The following SMC6 variants were observed in gnomAD, a reference collection of about 807,000 sequenced individuals.
SMC6 encodes structural maintenance of chromosomes 6, also known as structural maintenance of chromosomes protein 6.
SMC6 carries 79 observed loss-of-function variants against 142.2 expected under a neutral mutation model. The observed-to-expected ratio is 0.56, with a 90% CI of 0.46 to 0.67. The LOEUF is 0.67. SMC6 is among the 30% of genes least tolerant of loss of function. The pLI, the probability that SMC6 is intolerant of heterozygous loss-of-function variation, is 0.00. For synonymous variants in SMC6, 411 were observed against 412.4 expected, an observed-to-expected ratio of 1.00 and a Z score of 0.04; for missense variants, 1,072 against 1,284.0, an observed-to-expected ratio of 0.83 and a Z score of 2.52.
chr2:17,669,219 T>C (rs1015526462), intron 26 of SMC6, among the ~76,000 whole-genome samples: 1 of 152,126 alleles, frequency 6.6e-6, no homozygotes, highest in African/African-American at 2.4e-5. Flanking sequence ...GGTAGGGAAT[T>C]CAGGAAAAGA....
chr2:17,726,304 C>T, intron 8 of SMC6, 85 bp downstream of exon 8: 1 of 995,334 alleles, frequency 1.0e-6, no homozygotes. Context: ...AACTCAGCCT[C>T]CATTATGTGA....
In SMC6 at chr2:17,664,547, G is replaced by C. The variant is rs1572233504; in HGVS notation, c.*952C>G. The C allele has an allele frequency of 1.3e-5, 2 of 152,052 alleles. No individual in the cohort carries two copies. Among genetic ancestry groups the C allele is most frequent in the African/African-American group, 4.8e-5 (2 of 41,454 alleles). 9.4% of individuals were successfully genotyped at this position (152,052 alleles called of 1,614,324 possible). On this transcript the variant is annotated 3_prime_UTR_variant, in exon 28 of 28. Coordinates refer to ENST00000448223, the MANE Select transcript of SMC6 (RefSeq NM_001142286.2). ...TCCTAGTATCAAACAAATAATACAG[G>C]GAGCAATAAAATTCATGTTTTCTAA...
intron 12 of SMC6, among the ~76,000 whole-genome samples, chr2:17,717,797 T>C (rs1669171178): frequency 6.6e-6 from 1 of 151,992 alleles, no homozygotes; most frequent in Non-Finnish European, 1.5e-5. Flanking sequence ...GCCTGGATAT[T>C]GTGGTGAAAT....
At chr2:17,730,978 A>G (rs1669888786) in intron 7 of SMC6, 100 bp downstream of exon 7, 6 of 835,062 alleles carry the variant, frequency 7.2e-6, no homozygotes, top group Non-Finnish European at 1.2e-5. Context: ...TGGTCAGTTT[A>G]CTCATATGAG....
At chr2:17,671,448 A>AC (rs1666756009) in intron 25 of SMC6, among the ~76,000 whole-genome samples, 1 of 142,164 alleles carries the variant, frequency 7.0e-6, no homozygotes, top group Non-Finnish European at 1.6e-5. Context: ...CACACACACA[A>AC]AAATACAAAA....
chr2:17,707,186 G>A, intron 18 of SMC6, 33 bp downstream of exon 18: 1 of 1,458,420 alleles, frequency 6.9e-7, no homozygotes, highest in Non-Finnish European at 9.1e-7. Flanking sequence ...GAAGCAGTGG[G>A]AATGATACAG....
chr2:17,727,194 T>C (rs759579178), intron 7 of SMC6, among the ~76,000 whole-genome samples: 7 of 152,182 alleles, frequency 4.6e-5, no homozygotes, highest in South Asian at 2.1e-4. Context: ...CCCGAGGGTA[T>C]TGCCAAAGGA....
intron 26 of SMC6, among the ~76,000 whole-genome samples, chr2:17,668,035 CA>C: frequency 1.3e-5 from 2 of 151,984 alleles, no homozygotes. Flanking sequence ...ACAAAACTGC[CA>C]AAGTACCAAA....
chr2:17,747,797 G>A (rs555253996), intron 2 of SMC6, among the ~76,000 whole-genome samples: 4 of 152,152 alleles, frequency 2.6e-5, no homozygotes, highest in African/African-American at 9.6e-5. Flanking sequence ...AGTCATCACG[G>A]CTGGCCAAAA....
chr2:17,686,399 T>C (rs749828316), intron 23 of SMC6, among the ~76,000 whole-genome samples: 9 of 152,148 alleles, frequency 5.9e-5, no homozygotes, highest in Non-Finnish European at 1.2e-4. Context: ...GGAGAATTGC[T>C]TGAATCCAGG....
At position 17,664,277 on chromosome 2, in the gene SMC6, C is replaced by A. The variant is rs552219536; in HGVS notation, c.*1222G>T. 1 of 152,260 alleles carries A rather than the reference C, an allele frequency of 6.6e-6. No homozygotes were observed. The highest frequency in any genetic ancestry group is 1.9e-4 in the East Asian group (1 of 5,192). 9.4% of individuals were successfully genotyped at this position (152,260 alleles called of 1,614,324 possible). On this transcript the variant is annotated 3_prime_UTR_variant, in exon 28 of 28. Transcript: ENST00000448223. The stretch of plus-strand genomic sequence containing the variant: ...CCTCCTGGAAATTCTGATTAGAAAG[C>A]CCAAGTTTTTGAACTTCTCATTTGG...
rs114439507 is a variant in SMC6 at position 17,714,233 on chromosome 2, C to T, written c.1730+628G>A. ...ACCTCAGCCTTCCAAGTAGCTGGGACCACAGGCACACACGACCAAGCCTGG... is the reference window on the plus strand; with the variant it reads ...ACCTCAGCCTTCCAAGTAGCTGGGATCACAGGCACACACGACCAAGCCTGG... On this transcript the variant is annotated intron_variant, in intron 16 of 27. Coordinates refer to ENST00000448223, the MANE Select transcript of SMC6 (RefSeq NM_001142286.2). Among the ~76,000 whole-genome samples the T allele has an allele frequency of 4.8e-3, 734 of 151,874 alleles. 4 individuals are homozygous for T. The highest frequency in any genetic ancestry group is 0.016 in the African/African-American group (681 of 41,426).
At chr2:17,741,150 A>G (rs913282576) in intron 4 of SMC6, among the ~76,000 whole-genome samples, 17 of 152,222 alleles carry the variant, frequency 1.1e-4, no homozygotes, top group African/African-American at 4.1e-4. Context: ...TCTTCTTGCC[A>G]ATAAGACCTA....
rs539487776 is a variant in SMC6, at chr2:17,740,614, C to T, written c.238+998G>A. On this transcript the variant is annotated intron_variant, in intron 4 of 27. Coordinates refer to ENST00000448223, the MANE Select transcript of SMC6 (RefSeq NM_001142286.2). ...CACACCTGTTAATCCCAGCACTCTG[C>T]GAAGCCGAGGTGGGCGGATCACTTG... 22 of 332,754 alleles carry T rather than the reference C, an allele frequency of 6.6e-5. No homozygotes were observed. The East Asian group carries it at 1.5e-3, about 22-fold the overall frequency. 20.6% of individuals were successfully genotyped at this position (332,754 alleles called of 1,614,324 possible).
chr2:17,744,337 T>C (rs1297015951), intron 3 of SMC6, among the ~76,000 whole-genome samples: 1 of 152,204 alleles, frequency 6.6e-6, no homozygotes, highest in Non-Finnish European at 1.5e-5. Context: ...TTTTGAGTGA[T>C]TGAAAATGGT....
intron 6 of SMC6, 129 bp downstream of exon 6, chr2:17,731,612 G>C: frequency 1.2e-6 from 1 of 825,248 alleles, no homozygotes; most frequent in Non-Finnish European, 1.9e-6. Context: ...GTGTGTGTGT[G>C]TGTATATATA....
intron 15 of SMC6, among the ~76,000 whole-genome samples, chr2:17,715,551 T>C (rs1669041999): frequency 6.6e-6 from 1 of 152,038 alleles, no homozygotes; most frequent in Non-Finnish European, 1.5e-5. Flanking sequence ...TAACAAAATA[T>C]ATTTATAAGC....
intron 23 of SMC6, among the ~76,000 whole-genome samples, chr2:17,688,315 T>TAA (rs36077684): frequency 0.019 from 2,436 of 130,146 alleles, 29 homozygotes; most frequent in African/African-American, 0.026. Flanking sequence ...AAAATGCTAT[T>TAA]AAAAAAAAAA....
intron 26 of SMC6, among the ~76,000 whole-genome samples, chr2:17,670,162 G>A (rs116555028): frequency 1.8e-3 from 272 of 152,248 alleles, no homozygotes; most frequent in Non-Finnish European, 3.2e-3. Flanking sequence ...GGGAGAAAAC[G>A]CAGATATGAT....
Sources: gnomAD v4.1 joint callset for allele counts (sites outside exome capture counted in the v4.1 genomes callset) on GRCh38, gnomAD v4.1.1 for gene constraint, MANE v1.5 for transcripts, NCBI Gene and HGNC (gene_info 2026-07-23, HGNC 2026-07-21) for gene names.